Variants in HECTD4 observed in about 807,000 individuals in gnomAD.
HECTD4 encodes the protein probable E3 ubiquitin-protein ligase HECTD4.
In HECTD4, 114 loss-of-function variants were observed where a neutral mutation model predicts 471.5. That is an observed-to-expected ratio of 0.24 (90% CI 0.21 to 0.28). The LOEUF is 0.28. HECTD4 is among the 10% of genes least tolerant of loss of function. The pLI, the probability that HECTD4 is intolerant of heterozygous loss-of-function variation, is 1.00. For missense variants in HECTD4, 3,866 were observed against 5,651.5 expected, an observed-to-expected ratio of 0.68 and a Z score of 10.13; for synonymous variants, 2,012 against 2,256.0, an observed-to-expected ratio of 0.89 and a Z score of 3.07.
rs975187648 is a variant in HECTD4 at position 112,209,958 on chromosome 12, A to G, written c.7867+57T>C. ...CAAGTGCAATGGGTTTATGGAATTC[A>G]TAACATTCATGGTCTCAGGAAGCCA... On this transcript the variant is annotated intron_variant, in intron 50 of 75. Coordinates refer to ENST00000682272, the MANE Select transcript of HECTD4 (RefSeq NM_001388303.1). 5.7e-6 allele frequency: 8 copies of G among 1,399,948 alleles called. No homozygotes were observed. In the East Asian group the frequency reaches 7.3e-5, roughly 13 times the overall value. 86.7% of individuals were successfully genotyped at this position (1,399,948 alleles called of 1,614,324 possible). A position where few individuals can be genotyped will look rare whatever the true frequency, so the allele number is the denominator to read the frequency against.
Position 112,382,237 on chromosome 12 carries a change from G to A in HECTD4, c.-109C>T. On this transcript the variant is annotated 5_prime_UTR_variant, in exon 1 of 76. Coordinates refer to ENST00000682272, the MANE Select transcript of HECTD4 (RefSeq NM_001388303.1). Reference sequence around the variant, plus strand: ...GGCAGCGGCCGCCGCGCCCGCCAGCGGCGCCCCACTTGCTGCCTCGCCCGT... The same window carrying A: ...GGCAGCGGCCGCCGCGCCCGCCAGCAGCGCCCCACTTGCTGCCTCGCCCGT... 1.0e-6 allele frequency: 1 copy of A among 972,372 alleles called. No homozygotes were observed. Among genetic ancestry groups the A allele is most frequent in the Non-Finnish European group, 1.3e-6 (1 of 760,474 alleles). The allele number at this position is 972,372 out of a possible 1,614,324, so 60.2% of individuals were successfully genotyped here. A position where few individuals can be genotyped will look rare whatever the true frequency, so the allele number is the denominator to read the frequency against.
chr12:112,207,733 T>A, intron 52 of HECTD4, 141 bp downstream of exon 52: 4 of 910,750 alleles, frequency 4.4e-6, no homozygotes, highest in South Asian at 4.6e-5. Flanking sequence ...AAGATCAGAG[T>A]TCACTAAAGG....
At chr12:112,306,320 C>A in intron 6 of HECTD4, 86 bp from the exon 7 acceptor site, 9 of 1,097,506 alleles carry the variant, frequency 8.2e-6, no homozygotes, top group South Asian at 3.3e-5. Flanking sequence ...GCCATTATGC[C>A]CAAGATGAGA....
rs535180564 is a variant in HECTD4, at chr12:112,381,076, G to A, written c.177+876C>T. 2.6e-5 allele frequency among the ~76,000 whole-genome samples: 4 copies of A among 152,234 alleles called. No homozygotes were observed. In the South Asian group the frequency reaches 8.3e-4, roughly 32 times the overall value. ...TGGAAGGGGAGCAGTGTCAGCATCC[G>A]TTGGCCTCCATGAAACGACACTGCC... On this transcript the variant is annotated intron_variant, in intron 1 of 75. Transcript: ENST00000682272. This position sits in a 1 kb window ranked among gnomAD's most constrained non-coding sequence, Gnocchi z 4.1.
intron 60 of HECTD4, among the ~76,000 whole-genome samples, chr12:112,186,129 T>C (rs947932803): frequency 2.0e-5 from 3 of 151,890 alleles, no homozygotes; most frequent in Non-Finnish European, 4.4e-5. Flanking sequence ...TGTGAGACCA[T>C]GCCCAGCTAA....
intron 13 of HECTD4, among the ~76,000 whole-genome samples, chr12:112,267,601 G>A (rs2034308050): frequency 6.6e-6 from 1 of 152,126 alleles, no homozygotes; most frequent in Non-Finnish European, 1.5e-5. Context: ...ATAAGTACTT[G>A]GGGCTAGATG....
chr12:112,382,360 CCT>C lies in HECTD4; in HGVS notation c.-234_-233del. 1 of 393,594 alleles carries C rather than the reference CCT, an allele frequency of 2.5e-6. No individual in the cohort carries two copies. Among genetic ancestry groups the C allele is most frequent in the South Asian group, 4.3e-5 (1 of 23,392 alleles). The allele number at this position is 393,594 out of a possible 1,614,324, so 24.4% of individuals were successfully genotyped here. ...CCGCCGCCGCCGCCGCCGCCGCCGC[CCT>C]CAGGAGCAGGATCCGCCTCTGCCGC... On this transcript the variant is annotated 5_prime_UTR_variant, in exon 1 of 76. Coordinates refer to ENST00000682272, the MANE Select transcript of HECTD4 (RefSeq NM_001388303.1).
chr12:112,186,122 G>A (rs1245929962), intron 60 of HECTD4, among the ~76,000 whole-genome samples: 2 of 151,876 alleles, frequency 1.3e-5, no homozygotes, highest in Non-Finnish European at 2.9e-5. Flanking sequence ...ACAGGAGTGT[G>A]AGACCATGCC....
In HECTD4 at chr12:112,194,426, C is replaced by T. The variant is rs918905625; in HGVS notation, c.8749+459G>A. Among the ~76,000 whole-genome samples the T allele has an allele frequency of 6.6e-6, 1 of 152,210 alleles. No individual in the cohort carries two copies. The highest frequency in any genetic ancestry group is 2.4e-5 in the African/African-American group (1 of 41,464). ...ATAGTGCTGAGGGCAGACTCATCAC[C>T]TGGCATTCACTGGGGATCAGACACA... is the stretch of plus-strand genomic sequence containing the variant. On this transcript the variant is annotated intron_variant, in intron 56 of 75. Coordinates refer to ENST00000682272, the MANE Select transcript of HECTD4 (RefSeq NM_001388303.1). This position sits in a 1 kb window ranked among gnomAD's most constrained non-coding sequence, Gnocchi z 4.6.
chr12:112,299,484 A>G (rs2035118744), intron 7 of HECTD4, among the ~76,000 whole-genome samples: 1 of 151,970 alleles, frequency 6.6e-6, no homozygotes, highest in Admixed American at 6.6e-5. Context: ...TTAGCCAGGC[A>G]TGGTGGCACG....
At chr12:112,359,894 C>T (rs2036418673) in intron 1 of HECTD4, among the ~76,000 whole-genome samples, 1 of 152,076 alleles carries the variant, frequency 6.6e-6, no homozygotes, top group African/African-American at 2.4e-5. Context: ...TACATTTTAA[C>T]AAAACCTCCA....
At chr12:112,255,690 A>G (rs186030386) in intron 21 of HECTD4, among the ~76,000 whole-genome samples, 104 of 152,292 alleles carry the variant, frequency 6.8e-4, no homozygotes, top group Non-Finnish European at 2.6e-4. Flanking sequence ...CTGTTCTTTC[A>G]TATGTTACAT....
intron 1 of HECTD4, among the ~76,000 whole-genome samples, chr12:112,368,714 T>C (rs1483017038): frequency 6.6e-6 from 1 of 152,230 alleles, no homozygotes; most frequent in East Asian, 1.9e-4. Flanking sequence ...AATTTCGTTC[T>C]GGTGGAATGG....
intron 16 of HECTD4, 48 bp from the exon 17 acceptor site, chr12:112,264,260 A>G: frequency 7.0e-7 from 1 of 1,433,322 alleles, no homozygotes; most frequent in African/African-American, 1.4e-5. Flanking sequence ...CTACTGAAAG[A>G]GCGATCATGT....
intron 55 of HECTD4, among the ~76,000 whole-genome samples, chr12:112,198,596 T>C (rs1388638176): frequency 6.6e-6 from 1 of 152,192 alleles, no homozygotes; most frequent in Non-Finnish European, 1.5e-5. Context: ...GAACAGTCAA[T>C]GGCACTTGCT....
intron 18 of HECTD4, among the ~76,000 whole-genome samples, chr12:112,260,155 T>C (rs1159758856): frequency 6.6e-6 from 1 of 152,150 alleles, no homozygotes; most frequent in Non-Finnish European, 1.5e-5. Flanking sequence ...GCAACCACCA[T>C]TCTACTTTCT....
chr12:112,302,509 A>C (rs2035186993), intron 7 of HECTD4: 1 of 737,372 alleles, frequency 1.4e-6, no homozygotes, highest in Non-Finnish European at 2.5e-6. Context: ...CCATTTCACA[A>C]AGTAGGTGAG....
intron 54 of HECTD4, 113 bp from the exon 55 acceptor site, chr12:112,200,911 G>T: frequency 1.3e-6 from 1 of 740,950 alleles, no homozygotes; most frequent in Non-Finnish European, 2.1e-6. Context: ...GTGTGTGTGT[G>T]TATTTTCAGT....
chr12:112,301,867 C>T, intron 7 of HECTD4: 4 of 906,152 alleles, frequency 4.4e-6, no homozygotes, highest in Non-Finnish European at 7.1e-6. Flanking sequence ...CAACAGTATA[C>T]ATTTAACCCA....
Sources: gnomAD v4.1 joint callset for allele counts (sites outside exome capture counted in the v4.1 genomes callset) on GRCh38, gnomAD v4.1.1 for gene constraint, Gnocchi (gnomAD v3.1) non-coding constraint, MANE v1.5 for transcripts, NCBI Gene and HGNC (gene_info 2026-07-23, HGNC 2026-07-21) for gene names.